KCND2: variants seen among roughly 807,000 people sequenced by gnomAD.
KCND2 encodes potassium voltage-gated channel subfamily D member 2.
A neutral mutation model predicts 54.4 loss-of-function variants in KCND2; 16 were observed. That is an observed-to-expected ratio of 0.29 (90% CI 0.20 to 0.45). The LOEUF (loss-of-function observed/expected upper bound fraction) is 0.45. Ranked by LOEUF, KCND2 falls within the 20% of genes least tolerant of loss-of-function variation. The pLI is 1.00. For missense variants in KCND2, 486 were observed against 824.2 expected (o/e 0.59, Z 5.02); for synonymous variants, 317 against 310.7 (o/e 1.02, Z -0.21).
At chr7:120,614,448 TGG>T (rs1209440532) in intron 1 of KCND2, among the ~76,000 whole-genome samples, 1 of 152,248 alleles carries the variant, frequency 6.6e-6, no homozygotes, top group Non-Finnish European at 1.5e-5. Context: ...ATAAAGTCTA[TGG>T]AACTGAAAAT....
At position 120,687,843 on chromosome 7, in the gene KCND2, G is replaced by A. The variant is rs564930897; in HGVS notation, c.1116-45060G>A. Among the ~76,000 whole-genome samples the A allele has an allele frequency of 5.9e-5, 9 of 152,202 alleles. 1 individual carries two copies. Among genetic ancestry groups the A allele is most frequent in the Admixed American group, 5.9e-4 (9 of 15,284 alleles). On this transcript the variant is annotated intron_variant, in intron 1 of 5. Coordinates refer to ENST00000331113, the MANE Select transcript of KCND2 (RefSeq NM_012281.3). ...TAATCTTTGTAGTTAATGAAATAGG[G>A]ATTGAGATTTACATTGTAAAACAGA...
At chr7:120,531,758 A>G (rs898099518) in intron 1 of KCND2, among the ~76,000 whole-genome samples, 2 of 152,018 alleles carry the variant, frequency 1.3e-5, no homozygotes, top group Non-Finnish European at 2.9e-5. Context: ...TTACTCCTTT[A>G]CAAAAGACTT....
intron 1 of KCND2, among the ~76,000 whole-genome samples, chr7:120,633,086 A>G (rs1793259642): frequency 6.6e-6 from 1 of 152,252 alleles, no homozygotes; most frequent in African/African-American, 2.4e-5. Context: ...AATTATCGCC[A>G]TTTCAAATAT....
At chr7:120,342,653 A>G (rs1800257286) in intron 1 of KCND2, among the ~76,000 whole-genome samples, 1 of 152,152 alleles carries the variant, frequency 6.6e-6, no homozygotes, top group Non-Finnish European at 1.5e-5. Context: ...AATTTCTTGT[A>G]TTACTTTTTA....
At chr7:120,521,803 C>T (rs939781521) in intron 1 of KCND2, among the ~76,000 whole-genome samples, 3 of 152,070 alleles carry the variant, frequency 2.0e-5, no homozygotes, top group Non-Finnish European at 4.4e-5. Context: ...TATAAACACA[C>T]GTATACTTGA....
At chr7:120,673,491 T>C (rs1392061547) in intron 1 of KCND2, among the ~76,000 whole-genome samples, 1 of 152,112 alleles carries the variant, frequency 6.6e-6, no homozygotes, top group Non-Finnish European at 1.5e-5. Context: ...ATTCAGTTTT[T>C]TCATCCACCA....
At chr7:120,486,693 T>G (rs1011772455) in intron 1 of KCND2, among the ~76,000 whole-genome samples, 1 of 151,922 alleles carries the variant, frequency 6.6e-6, no homozygotes, top group African/African-American at 2.4e-5. Context: ...TATTGTCTTT[T>G]TTTTTTTTCC....
At chr7:120,447,493 G>A (rs751971796) in intron 1 of KCND2, among the ~76,000 whole-genome samples, 3 of 152,106 alleles carry the variant, frequency 2.0e-5, no homozygotes, top group Non-Finnish European at 4.4e-5. Flanking sequence ...TGAAAAGAAG[G>A]TCAAGAAAAT....
intron 1 of KCND2, among the ~76,000 whole-genome samples, chr7:120,597,415 G>A (rs1448722232): frequency 2.6e-5 from 4 of 152,066 alleles, no homozygotes; most frequent in Non-Finnish European, 5.9e-5. Context: ...AAGATTTCAT[G>A]GATTCAATAA....
chr7:120,669,573 G>T (rs1337348311), intron 1 of KCND2, among the ~76,000 whole-genome samples: 3 of 152,034 alleles, frequency 2.0e-5, no homozygotes, highest in Non-Finnish European at 2.9e-5. Context: ...CCACTGGAAG[G>T]CTGTCTACAA....
intron 1 of KCND2, among the ~76,000 whole-genome samples, chr7:120,713,919 C>G (rs986633266): frequency 6.6e-6 from 1 of 152,092 alleles, no homozygotes; most frequent in Non-Finnish European, 1.5e-5. Context: ...TCAGATATAG[C>G]AGATACAAAC....
At chr7:120,624,744 G>C (rs1185387443) in intron 1 of KCND2, among the ~76,000 whole-genome samples, 1 of 150,546 alleles carries the variant, frequency 6.6e-6, no homozygotes, top group Non-Finnish European at 1.5e-5. Context: ...TGGCACCACT[G>C]CACTCCAGTC....
intron 1 of KCND2, among the ~76,000 whole-genome samples, chr7:120,569,914 G>T (rs1395280334): frequency 6.6e-6 from 1 of 152,068 alleles, no homozygotes; most frequent in African/African-American, 2.4e-5. Flanking sequence ...GGATCTTTCG[G>T]ACACAGATTG....
At chr7:120,738,999 G>A (rs545740290) in intron 2 of KCND2, among the ~76,000 whole-genome samples, 17 of 152,072 alleles carry the variant, frequency 1.1e-4, no homozygotes, top group African/African-American at 3.9e-4. Flanking sequence ...TTTCTAACAC[G>A]CTGCATGACT....
At chr7:120,582,278 T>A (rs1381107684) in intron 1 of KCND2, among the ~76,000 whole-genome samples, 1 of 152,014 alleles carries the variant, frequency 6.6e-6, no homozygotes, top group Non-Finnish European at 1.5e-5. Context: ...AAGTAACCCT[T>A]CTCCTACTAG....
chr7:120,503,915 C>T (rs1046141137), intron 1 of KCND2, among the ~76,000 whole-genome samples: 2 of 151,876 alleles, frequency 1.3e-5, no homozygotes, highest in East Asian at 1.9e-4. Flanking sequence ...ACCGCAAATC[C>T]GCCTCTGCAT....
chr7:120,671,032 G>A (rs1791986827), intron 1 of KCND2, among the ~76,000 whole-genome samples: 1 of 151,908 alleles, frequency 6.6e-6, no homozygotes, highest in African/African-American at 2.4e-5. Context: ...ACATTTAATA[G>A]CTATTTTCCA....
intron 1 of KCND2, among the ~76,000 whole-genome samples, chr7:120,512,771 G>C (rs1803138357): frequency 6.7e-6 from 1 of 150,236 alleles, no homozygotes; most frequent in South Asian, 2.1e-4. Context: ...AAGAATTATA[G>C]TTTTAGGATG....
At position 120,420,449 on chromosome 7, in the gene KCND2, G is replaced by T. The variant is rs188591516; in HGVS notation, c.1115+144702G>T. Among the ~76,000 whole-genome samples, 953 of 152,254 alleles carry T rather than the reference G, an allele frequency of 6.3e-3. 6 individuals carry two copies. The highest frequency in any genetic ancestry group is 9.6e-3 in the Non-Finnish European group (654 of 68,010). On this transcript the variant is annotated intron_variant, in intron 1 of 5. Coordinates refer to ENST00000331113, the MANE Select transcript of KCND2 (RefSeq NM_012281.3). ...TAATAGGTCTTGATAGAGAGGGAAAGAAAAAAGAAAGAGCTTGGTGATGGT... is the reference window on the plus strand; with the variant it reads ...TAATAGGTCTTGATAGAGAGGGAAATAAAAAAGAAAGAGCTTGGTGATGGT...
Sources: allele counts gnomAD v4.1 joint callset (sites outside exome capture counted in the v4.1 genomes callset), GRCh38; gene constraint gnomAD v4.1.1; transcripts MANE v1.5; gene names NCBI Gene and HGNC (gene_info 2026-07-23, HGNC 2026-07-21).